TSPAN11: variants seen among roughly 807,000 people sequenced by gnomAD.
The protein encoded by TSPAN11 is tetraspanin-11.
In TSPAN11, 29 loss-of-function variants were observed where a neutral mutation model predicts 32.9. That is an observed-to-expected ratio of 0.88 (90% CI 0.66 to 1.20). The LOEUF is 1.20. Ranked by LOEUF, TSPAN11 falls within the 50% of genes most tolerant of loss-of-function variation. The pLI is 0.00. For synonymous variants in TSPAN11, 140 were observed against 141.3 expected (o/e 0.99, Z 0.07); for missense variants, 283 against 329.1 (o/e 0.86, Z 1.08).
chr12:31,005,706 GC>G, the TSPAN11 span: 12 of 154,272 alleles, frequency 7.8e-5, no homozygotes, highest in Admixed American at 7.8e-4. Context: ...CAAATCCTCT[GC>G]CTCCACAGAG....
intron 4 of TSPAN11, 32 bp from the exon 5 acceptor site, chr12:30,979,534 G>A (rs181693950): frequency 1.9e-5 from 31 of 1,608,418 alleles, no homozygotes; most frequent in East Asian, 6.7e-5. Flanking sequence ...GGCTGGTCCC[G>A]CTGATGGGGA....
At chr12:30,953,738 C>T (rs116964875) in intron 1 of TSPAN11, among the ~76,000 whole-genome samples, 1 of 152,320 alleles carries the variant, frequency 6.6e-6, no homozygotes, top group East Asian at 1.9e-4. Context: ...GTAGGTTAGA[C>T]CTTTGTCAAG....
chr12:30,963,190 C>T (rs2100192244), intron 2 of TSPAN11, among the ~76,000 whole-genome samples: 1 of 152,202 alleles, frequency 6.6e-6, no homozygotes, highest in Non-Finnish European at 1.5e-5. Flanking sequence ...ATCATGGAGG[C>T]AGTGTGACTG....
At chr12:30,968,085 GTTTCA>G (rs1938774943) in intron 3 of TSPAN11, among the ~76,000 whole-genome samples, 1 of 152,280 alleles carries the variant, frequency 6.6e-6, no homozygotes, top group Middle Eastern at 3.4e-3. Context: ...TTCCTTCCTT[GTTTCA>G]TTTCATTTTG....
intron 1 of TSPAN11, among the ~76,000 whole-genome samples, chr12:30,951,737 T>G (rs1938387174): frequency 6.6e-6 from 1 of 152,152 alleles, no homozygotes; most frequent in African/African-American, 2.4e-5. Context: ...CAAAGCTAGC[T>G]TTCAGATCCA....
At chr12:30,977,887 C>A (rs1369517932) in intron 3 of TSPAN11, among the ~76,000 whole-genome samples, 1 of 152,176 alleles carries the variant, frequency 6.6e-6, no homozygotes, top group Admixed American at 6.5e-5. Flanking sequence ...AAATGGGCAT[C>A]AGGGCTGAAA....
rs141457446 is a variant in TSPAN11, at chr12:30,995,414, G to C, written c.*3499G>C. ...TTGCTGGGGCTCTGGGGTGGACCCTGTGTGATTTCTGTCAGGGAGCTTGTG... is the reference window on the plus strand; with the variant it reads ...TTGCTGGGGCTCTGGGGTGGACCCTCTGTGATTTCTGTCAGGGAGCTTGTG... On this transcript the variant is annotated 3_prime_UTR_variant, in exon 8 of 8. Coordinates refer to ENST00000546076, the MANE Select transcript of TSPAN11 (RefSeq NM_001370302.1). The C allele has an allele frequency of 4.0e-3, 608 of 152,600 alleles. 5 individuals carry two copies. Among genetic ancestry groups the C allele is most frequent in the African/African-American group, 0.014 (584 of 41,590 alleles). The allele number at this position is 152,600 out of a possible 1,614,324, so 9.5% of individuals were successfully genotyped here.
chr12:30,994,627 G>C lies in TSPAN11; in HGVS notation c.*2712G>C, dbSNP rs922903117. On this transcript the variant is annotated 3_prime_UTR_variant, in exon 8 of 8. Transcript: ENST00000546076. The stretch of plus-strand genomic sequence containing the variant: ...GGTTGGAATATTTGTGACCGTTCTT[G>C]TCTTTCTCCCTCCTGCTTCCCCGGC... 1 of 152,240 alleles carries C rather than the reference G, an allele frequency of 6.6e-6. No homozygotes were observed. Among genetic ancestry groups the C allele is most frequent in the Admixed American group, 6.5e-5 (1 of 15,286 alleles). The allele number at this position is 152,240 out of a possible 1,614,324, so 9.4% of individuals were successfully genotyped here. A position where few individuals can be genotyped will look rare whatever the true frequency, so the allele number is the denominator to read the frequency against.
the TSPAN11 span, among the ~76,000 whole-genome samples, chr12:31,009,579 A>G: frequency 2.6e-5 from 4 of 152,136 alleles, no homozygotes; most frequent in African/African-American, 9.7e-5. Flanking sequence ...GCCCGGCAAC[A>G]GAAGTGCCAC....
intron 3 of TSPAN11, among the ~76,000 whole-genome samples, chr12:30,973,016 C>G (rs1402893776): frequency 1.3e-5 from 2 of 152,104 alleles, no homozygotes; most frequent in Non-Finnish European, 2.9e-5. Flanking sequence ...ACTGACACCC[C>G]TGTGTTCACC....
At position 30,978,542 on chromosome 12, in the gene TSPAN11, C is replaced by T; in HGVS notation, c.277-19C>T. 1 of 1,613,740 alleles carries T rather than the reference C, an allele frequency of 6.2e-7. No homozygotes were observed. Among genetic ancestry groups the T allele is most frequent in the Non-Finnish European group, 8.5e-7 (1 of 1,179,634 alleles). ...GCAACCCGATCCCAGTGGTGACCGT[C>T]CTCTCTCTTTGCTGCTAGTATTTCT... On this transcript the variant is annotated intron_variant, in intron 3 of 7. Coordinates refer to ENST00000546076, the MANE Select transcript of TSPAN11 (RefSeq NM_001370302.1).
the TSPAN11 span, among the ~76,000 whole-genome samples, chr12:31,008,752 G>A: frequency 1.4e-4 from 22 of 152,314 alleles, no homozygotes; most frequent in East Asian, 3.1e-3. Context: ...ACAAGTTTTC[G>A]TCAATAAATT....
chr12:30,964,577 G>A (rs1938689763), intron 3 of TSPAN11, among the ~76,000 whole-genome samples: 2 of 151,876 alleles, frequency 1.3e-5, no homozygotes, highest in South Asian at 2.1e-4. Flanking sequence ...TCTTGGTTCC[G>A]TCCACTCTCT....
the TSPAN11 span, among the ~76,000 whole-genome samples, chr12:31,012,262 G>A: frequency 6.6e-6 from 1 of 152,232 alleles, no homozygotes; most frequent in Non-Finnish European, 1.5e-5. Flanking sequence ...GGAACCCCCA[G>A]GATGGGGAGG....
At chr12:31,011,987 T>C in the TSPAN11 span, among the ~76,000 whole-genome samples, 2 of 152,246 alleles carry the variant, frequency 1.3e-5, no homozygotes, top group African/African-American at 4.8e-5. Context: ...CCCCGTCTCC[T>C]TAGACCACCT....
intron 2 of TSPAN11, among the ~76,000 whole-genome samples, chr12:30,959,389 C>T (rs1445937562): frequency 1.3e-5 from 2 of 152,032 alleles, no homozygotes; most frequent in Non-Finnish European, 2.9e-5. Flanking sequence ...GAGAACAATG[C>T]GTGAAAGGTG....
chr12:30,962,434 C>T (rs1156870583), intron 2 of TSPAN11, among the ~76,000 whole-genome samples: 6 of 152,234 alleles, frequency 3.9e-5, no homozygotes, highest in Admixed American at 6.5e-5. Context: ...GTCTTATTCT[C>T]TTCAAGCCTC....
At chr12:30,965,374 C>T (rs1182747390) in intron 3 of TSPAN11, among the ~76,000 whole-genome samples, 1 of 152,188 alleles carries the variant, frequency 6.6e-6, no homozygotes, top group East Asian at 1.9e-4. Context: ...CTCTCACCTG[C>T]CTCCTTCCTT....
At chr12:30,980,960 C>T (rs897415712) in intron 5 of TSPAN11, among the ~76,000 whole-genome samples, 2 of 152,112 alleles carry the variant, frequency 1.3e-5, no homozygotes, top group Middle Eastern at 3.2e-3. Context: ...ACACAGCAGG[C>T]GATGTGCATG....
Sources: allele counts gnomAD v4.1 joint callset (sites outside exome capture counted in the v4.1 genomes callset), GRCh38; gene constraint gnomAD v4.1.1; transcripts MANE v1.5; gene names NCBI Gene and HGNC (gene_info 2026-07-23, HGNC 2026-07-21).